SAFB: variants seen among roughly 807,000 people sequenced by gnomAD.
SAFB encodes the protein scaffold attachment factor B1.
Under a neutral mutation model 101.6 loss-of-function variants are expected in SAFB, and 15 were observed. The observed-to-expected ratio is 0.15, with a 90% CI of 0.10 to 0.23. The LOEUF (loss-of-function observed/expected upper bound fraction) is 0.23. Among genes scored for constraint, SAFB ranks in the 10% least tolerant of loss-of-function variants. The probability of loss-of-function intolerance (pLI) is 1.00; values close to 1 mark genes in which losing one functional copy is unlikely to be tolerated. For missense variants in SAFB, 930 were observed against 1,104.1 expected (o/e 0.84, Z 2.23); for synonymous variants, 449 against 407.5 (o/e 1.10, Z -1.23).
chr19:5,633,773 C>T (rs1443828586), intron 2 of SAFB, among the ~76,000 whole-genome samples: 8 of 149,846 alleles, frequency 5.3e-5, no homozygotes, highest in Non-Finnish European at 8.9e-5. Flanking sequence ...AGCGAGACTC[C>T]GTCTCAAAAA....
chr19:5,650,060 A>G, intron 8 of SAFB, 85 bp downstream of exon 8: 1 of 1,054,692 alleles, frequency 9.5e-7, no homozygotes, highest in South Asian at 1.3e-5. Flanking sequence ...ATCGCGTGCT[A>G]TGCTCCTTAC....
At chr19:5,655,627 C>G (rs909595919) in intron 13 of SAFB, among the ~76,000 whole-genome samples, 11 of 152,114 alleles carry the variant, frequency 7.2e-5, no homozygotes, top group Non-Finnish European at 1.5e-4. Flanking sequence ...GGAGAGGGAC[C>G]TTGGACCCGC....
chr19:5,648,430 C>A, intron 6 of SAFB: 1 of 281,838 alleles, frequency 3.5e-6, no homozygotes, highest in South Asian at 4.4e-5. Context: ...TGAGGCAGCT[C>A]AGGTAGTGGT....
At position 5,661,690 on chromosome 19, in the gene SAFB, G is replaced by C. The variant is rs781239586; in HGVS notation, c.2035G>C (p.Glu679Gln). 1.2e-6 allele frequency: 2 copies of C among 1,607,892 alleles called. No individual in the cohort carries two copies. The highest frequency in any genetic ancestry group is 1.7e-6 in the Non-Finnish European group (2 of 1,178,278). Residue 679 changes from glutamate to glutamine, a missense_variant, in exon 15 of 21, where the codon GAG becomes CAG. Physicochemically the swap from Glu to Gln is conservative, Grantham distance 29. Transcript: ENST00000588852. ...LERERMHVEH[E>Q]RRREQERIHR... is the part of the protein sequence containing the mutation. ...GCGCGAACGCATGCACGTGGAGCACGAGCGCAGGCGCGAGCAGGAGCGCAT... is the reference window on the plus strand; with the variant it reads ...GCGCGAACGCATGCACGTGGAGCACCAGCGCAGGCGCGAGCAGGAGCGCAT...
chr19:5,623,150 C>G lies in SAFB; in HGVS notation c.-56C>G, dbSNP rs923061299. 1.5e-5 allele frequency: 23 copies of G among 1,519,720 alleles called. No individual in the cohort carries two copies. The South Asian group carries it at 2.6e-4, about 17-fold the overall frequency. The allele number at this position is 1,519,720 out of a possible 1,614,324, so 94.1% of individuals were successfully genotyped here. A position where few individuals can be genotyped will look rare whatever the true frequency, so the allele number is the denominator to read the frequency against. On this transcript the variant is annotated 5_prime_UTR_variant, in exon 1 of 21. Transcript: ENST00000588852. The stretch of plus-strand genomic sequence containing the variant: ...GGCGGCGCCATTTTGTGCTAGGAGC[C>G]TGATAAAACCGGCCCGGTTCTGTGG...
intron 11 of SAFB, 31 bp downstream of exon 11, chr19:5,653,451 G>T: frequency 6.3e-7 from 1 of 1,593,064 alleles, no homozygotes; most frequent in Non-Finnish European, 8.6e-7. Flanking sequence ...AATTAAAGGG[G>T]CAGGGTGTTT....
chr19:5,647,321 A>T (rs563414534), intron 5 of SAFB, among the ~76,000 whole-genome samples: 41 of 152,304 alleles, frequency 2.7e-4, no homozygotes, highest in African/African-American at 5.5e-4. Context: ...ATAGGGATCC[A>T]TTGGCTGAAG....
At chr19:5,628,562 G>A (rs1261089362) in intron 2 of SAFB, among the ~76,000 whole-genome samples, 1 of 152,060 alleles carries the variant, frequency 6.6e-6, no homozygotes, top group Non-Finnish European at 1.5e-5. Flanking sequence ...TGCTCAGAAG[G>A]TTTCAGTTTC....
chr19:5,653,586 C>T (rs754928946), intron 11 of SAFB, among the ~76,000 whole-genome samples, 166 bp downstream of exon 11: 4 of 152,150 alleles, frequency 2.6e-5, no homozygotes, highest in Non-Finnish European at 5.9e-5. Context: ...CTGCCTCAGC[C>T]TCCTGAGTAT....
chr19:5,659,968 A>G (rs575885211), intron 14 of SAFB, among the ~76,000 whole-genome samples: 2 of 152,296 alleles, frequency 1.3e-5, no homozygotes, highest in South Asian at 4.1e-4. Flanking sequence ...CTTTCATACT[A>G]GGGGCTCCTC....
intron 2 of SAFB, among the ~76,000 whole-genome samples, chr19:5,629,430 AAGT>A (rs1479325737): frequency 2.0e-5 from 3 of 152,056 alleles, no homozygotes; most frequent in African/African-American, 7.2e-5. Flanking sequence ...AGGGGGAAAA[AAGT>A]AAATATATAG....
At chr19:5,629,503 A>G (rs1299779632) in intron 2 of SAFB, among the ~76,000 whole-genome samples, 1 of 152,216 alleles carries the variant, frequency 6.6e-6, no homozygotes, top group Non-Finnish European at 1.5e-5. Context: ...ATCTTGCTAT[A>G]CAAAATCTCA....
At position 5,653,123 on chromosome 19, in the gene SAFB, C is replaced by T. The variant is rs1307891082; in HGVS notation, c.1302C>T (p.Gly434=). 8.7e-6 allele frequency: 14 copies of T among 1,613,376 alleles called. No individual in the cohort carries two copies. The highest frequency in any genetic ancestry group is 1.8e-4 in the Middle Eastern group (1 of 5,630). ...NLFSKYGKVV[G]AKVVTNARSP... The stretch of plus-strand genomic sequence containing the variant: ...GCCTGCTTTCCTTTGAGGTGGTGGG[C>T]GCCAAGGTTGTGACAAATGCCCGGA... Residue 434 remains glycine, a synonymous_variant, in exon 10 of 21, where the codon GGC becomes GGT. Transcript: ENST00000588852.
At chr19:5,645,537 T>C (rs776015089) in intron 5 of SAFB, 138 bp downstream of exon 5, 17 of 545,542 alleles carry the variant, frequency 3.1e-5, no homozygotes, top group Non-Finnish European at 5.3e-5. Flanking sequence ...CGTTAATGGG[T>C]GTTTGCTTTC....
At chr19:5,629,559 A>G (rs1207689856) in intron 2 of SAFB, among the ~76,000 whole-genome samples, 2 of 152,172 alleles carry the variant, frequency 1.3e-5, no homozygotes, top group Admixed American at 6.5e-5. Context: ...TAAATACACA[A>G]TTTAGCCCAT....
rs1202747667 is a variant in SAFB at position 5,648,034 on chromosome 19, C to T, written c.628C>T (p.Leu210=). ...CTTGCAGGAAATTGAAGAGCCATCC[C>T]TGGAGCCAGGTACTGTTAAATGAAA... The part of the protein sequence containing the change: ...TILQEIEEPS[L]EPENEKILDI... The change falls in exon 6 of 21, where the codon CTG becomes TTG. Residue 210 remains leucine (L), a synonymous_variant. Coordinates refer to ENST00000588852, the MANE Select transcript of SAFB (RefSeq NM_001201338.2). 16 of 1,613,330 alleles carry T rather than the reference C, an allele frequency of 9.9e-6. No homozygotes were observed. Among genetic ancestry groups the T allele is most frequent in the Non-Finnish European group, 1.3e-5 (15 of 1,179,544 alleles).
chr19:5,631,724 A>G (rs1033085736), intron 2 of SAFB, among the ~76,000 whole-genome samples: 1 of 152,048 alleles, frequency 6.6e-6, no homozygotes, highest in Non-Finnish European at 1.5e-5. Flanking sequence ...ACATGACGTG[A>G]CTCTCACCAT....
chr19:5,636,287 T>C lies in SAFB; in HGVS notation c.275-5307T>C, dbSNP rs2053594139. On this transcript the variant is annotated intron_variant, in intron 2 of 20. Coordinates refer to ENST00000588852, the MANE Select transcript of SAFB (RefSeq NM_001201338.2). ...ATTTTTCCTATTATCTGGAATAGGA[T>C]TGGACAGAAACCAACGTACGTATCA... is the stretch of plus-strand genomic sequence containing the variant. Among the ~76,000 whole-genome samples the C allele has an allele frequency of 3.3e-5, 5 of 152,090 alleles. No homozygotes were observed. The South Asian group carries it at 1.0e-3, about 31-fold the overall frequency.
At chr19:5,662,270 G>C (rs1425105741) in intron 15 of SAFB, among the ~76,000 whole-genome samples, 1 of 152,148 alleles carries the variant, frequency 6.6e-6, no homozygotes, top group Non-Finnish European at 1.5e-5. Context: ...GGCCAGGGTG[G>C]GCGGATTGCC....
Sources: allele counts gnomAD v4.1 joint callset (sites outside exome capture counted in the v4.1 genomes callset), GRCh38; gene constraint gnomAD v4.1.1; transcripts MANE v1.5; gene names NCBI Gene and HGNC (gene_info 2026-07-23, HGNC 2026-07-21).